Variants in NAALADL2 observed in about 807,000 individuals in gnomAD.
NAALADL2 encodes the protein N-acetylated alpha-linked acidic dipeptidase like 2.
A neutral mutation model predicts 87.2 loss-of-function variants in NAALADL2; 76 were observed. The ratio of observed to expected loss-of-function variants is 0.87; its 90% confidence interval spans 0.72 to 1.05. NAALADL2 has a LOEUF of 1.05. Among genes scored for constraint, NAALADL2 ranks in the 50% least tolerant of loss-of-function variants. The pLI is 0.00. For synonymous variants in NAALADL2, 354 were observed against 331.0 expected (o/e 1.07, Z -0.75); for missense variants, 1,089 against 945.8 (o/e 1.15, Z -1.99).
intron 1 of NAALADL2, among the ~76,000 whole-genome samples, chr3:174,463,056 C>T (rs1321152161): frequency 6.6e-6 from 1 of 152,130 alleles, no homozygotes; most frequent in Non-Finnish European, 1.5e-5. Context: ...CAGTGAATCA[C>T]CTTCTTTAGA....
Position 174,868,532 on chromosome 3 carries a change from A to G in NAALADL2, c.43+9082A>G, listed in dbSNP as rs555472495. 2.0e-5 allele frequency among the ~76,000 whole-genome samples: 3 copies of G among 152,242 alleles called. No individual in the cohort carries two copies. In the East Asian group the frequency reaches 5.8e-4, roughly 29 times the overall value. ...AACCTCATCCTTATTGTTATCCATC[A>G]TCATAGTGATGATGCGCTGAATTCA... On this transcript the variant is annotated intron_variant, in intron 1 of 13. Transcript: ENST00000454872.
At chr3:174,823,836 G>A (rs1404926545) in intron 3 of NAALADL2, among the ~76,000 whole-genome samples, 6 of 152,048 alleles carry the variant, frequency 3.9e-5, no homozygotes, top group African/African-American at 1.2e-4. Context: ...TCAGCCTCCC[G>A]AGTAGCTGGG....
At chr3:175,537,026 A>G (rs1734917149) in intron 9 of NAALADL2, among the ~76,000 whole-genome samples, 1 of 152,158 alleles carries the variant, frequency 6.6e-6, no homozygotes, top group African/African-American at 2.4e-5. Flanking sequence ...TTATTGAGCT[A>G]CTCTGACAAT....
At chr3:175,186,996 TTCTG>T (rs1281665159) in intron 2 of NAALADL2, among the ~76,000 whole-genome samples, 1 of 152,164 alleles carries the variant, frequency 6.6e-6, no homozygotes, top group African/African-American at 2.4e-5. Flanking sequence ...CTATTTCATT[TTCTG>T]TCTTTTATTT....
intron 2 of NAALADL2, among the ~76,000 whole-genome samples, chr3:174,713,791 G>A (rs1730916645): frequency 6.6e-6 from 1 of 151,718 alleles, no homozygotes; most frequent in African/African-American, 2.4e-5. Context: ...CTGTGCAGAA[G>A]CTCTTTAGTT....
At chr3:174,722,681 G>A (rs970795783) in intron 2 of NAALADL2, among the ~76,000 whole-genome samples, 2 of 152,212 alleles carry the variant, frequency 1.3e-5, no homozygotes, top group African/African-American at 4.8e-5. Flanking sequence ...TAGTCTGGGC[G>A]ATAGAGTGAG....
At chr3:175,303,472 T>G (rs894550331) in intron 4 of NAALADL2, among the ~76,000 whole-genome samples, 6 of 152,146 alleles carry the variant, frequency 3.9e-5, no homozygotes, top group Non-Finnish European at 7.4e-5. Context: ...AAAAAAAAAT[T>G]TCCCATATTT....
rs111253207 is a variant in NAALADL2 at position 175,170,755 on chromosome 3, C to A, written c.546-63176C>A. Among the ~76,000 whole-genome samples the A allele has an allele frequency of 1.5e-3, 225 of 151,370 alleles. 3 individuals are homozygous for A. The highest frequency in any genetic ancestry group is 5.0e-3 in the African/African-American group (206 of 41,430). ...AGGAAATAATTAAATTATGGAAATT[C>A]ATAACCCTTAACGTGATGTTGCCAT... On this transcript the variant is annotated intron_variant, in intron 2 of 13. Transcript: ENST00000454872.
At chr3:175,714,473 A>G (rs1740966711) in intron 11 of NAALADL2, among the ~76,000 whole-genome samples, 1 of 152,132 alleles carries the variant, frequency 6.6e-6, no homozygotes. Flanking sequence ...GCATTTCTCT[A>G]ATGACCAGTG....
At chr3:175,278,088 C>T (rs935662050) in intron 4 of NAALADL2, among the ~76,000 whole-genome samples, 2 of 152,112 alleles carry the variant, frequency 1.3e-5, no homozygotes, top group South Asian at 2.1e-4. Flanking sequence ...ATCGCGCCAC[C>T]GCACTCCAGC....
At chr3:174,930,379 A>G (rs1426655262) in intron 1 of NAALADL2, among the ~76,000 whole-genome samples, 1 of 151,918 alleles carries the variant, frequency 6.6e-6, no homozygotes, top group Non-Finnish European at 1.5e-5. Flanking sequence ...ACTTAGAGCT[A>G]TTTTGAGTAA....
chr3:174,750,005 C>T (rs1208209086), intron 3 of NAALADL2, among the ~76,000 whole-genome samples: 1 of 151,794 alleles, frequency 6.6e-6, no homozygotes, highest in Non-Finnish European at 1.5e-5. Context: ...CCCATGGTTC[C>T]AAAAATTACA....
intron 4 of NAALADL2, among the ~76,000 whole-genome samples, chr3:175,287,461 C>G (rs963501194): frequency 6.6e-6 from 1 of 152,052 alleles, no homozygotes; most frequent in African/African-American, 2.4e-5. Flanking sequence ...ACTCAGTAAC[C>G]CTCATAACAA....
At chr3:175,574,689 A>G (rs1718597529) in intron 9 of NAALADL2, among the ~76,000 whole-genome samples, 1 of 152,062 alleles carries the variant, frequency 6.6e-6, no homozygotes, top group South Asian at 2.1e-4. Flanking sequence ...TTTAAATTTC[A>G]TCGTCCCTGT....
At chr3:175,218,020 A>C (rs1173625018) in intron 2 of NAALADL2, 2 of 393,592 alleles carry the variant, frequency 5.1e-6, no homozygotes, top group Non-Finnish European at 1.0e-5. Context: ...AGCCTGACCA[A>C]ATTTCTAGAA....
chr3:174,462,889 A>G (rs1716296840), intron 1 of NAALADL2, among the ~76,000 whole-genome samples: 1 of 152,360 alleles, frequency 6.6e-6, no homozygotes, highest in Non-Finnish European at 1.5e-5. Context: ...TATAAAAATG[A>G]TAATTCAGTA....
At position 175,392,645 on chromosome 3, in the gene NAALADL2, C is replaced by T. The variant is rs182850652; in HGVS notation, c.1091-54584C>T. On this transcript the variant is annotated intron_variant, in intron 5 of 13. Coordinates refer to ENST00000454872, the MANE Select transcript of NAALADL2 (RefSeq NM_207015.3). ...ATGCAGCACAACCCAATAGGATTTC[C>T]CATTGTTTCTTTCCTAAAACGGTGC... Among the ~76,000 whole-genome samples the T allele has an allele frequency of 7.2e-5, 11 of 152,298 alleles. No individual in the cohort carries two copies. The East Asian group carries it at 1.9e-3, about 27-fold the overall frequency.
intron 1 of NAALADL2, among the ~76,000 whole-genome samples, chr3:174,876,251 T>C (rs896333750): frequency 2.0e-5 from 3 of 152,150 alleles, no homozygotes; most frequent in Non-Finnish European, 4.4e-5. Context: ...ATTCTAAGGC[T>C]CTGTAAGAGC....
In NAALADL2 at chr3:175,107,533, CAA is replaced by C. The variant is rs1441431312; in HGVS notation, c.545+10244_545+10245del. On this transcript the variant is annotated intron_variant, in intron 2 of 13. Coordinates refer to ENST00000454872, the MANE Select transcript of NAALADL2 (RefSeq NM_207015.3). ...ACATACACACACACACACACACACA[CAA>C]ACACACACACACACATCCTATACGT... Among the ~76,000 whole-genome samples, 1,001 of 119,108 alleles carry C rather than the reference CAA, an allele frequency of 8.4e-3. 8 individuals are homozygous for C. The highest frequency in any genetic ancestry group is 0.028 in the African/African-American group (884 of 31,394). The allele number at this position is 119,108 out of a possible 152,430, so 78.1% of individuals were successfully genotyped here. A position where few individuals can be genotyped will look rare whatever the true frequency, so the allele number is the denominator to read the frequency against.
Sources: gnomAD v4.1 joint callset for allele counts (sites outside exome capture counted in the v4.1 genomes callset) on GRCh38, gnomAD v4.1.1 for gene constraint, MANE v1.5 for transcripts, NCBI Gene and HGNC (gene_info 2026-07-23, HGNC 2026-07-21) for gene names.